The following TNFSF4 variants were observed in gnomAD, a reference collection of about 807,000 sequenced individuals.
TNFSF4 encodes the protein tumor necrosis factor ligand superfamily member 4.
Under a neutral mutation model 7.3 loss-of-function variants are expected in TNFSF4, and 4 were observed. That is an observed-to-expected ratio of 0.55 (90% CI 0.27 to 1.25). The LOEUF (loss-of-function observed/expected upper bound fraction) is 1.25, where lower values mean the gene tolerates loss of function less well. Ranked by LOEUF, TNFSF4 falls within the 50% of genes most tolerant of loss-of-function variation. TNFSF4 has a pLI of 0.12. For missense variants in TNFSF4, 181 were observed against 208.8 expected (o/e 0.87, Z 0.82); for synonymous variants, 76 against 83.7 (o/e 0.91, Z 0.50).
At chr1:173,390,748 T>C in the TNFSF4 span, among the ~76,000 whole-genome samples, 1 of 15,420 alleles carries the variant, frequency 6.5e-5, no homozygotes, top group African/African-American at 3.1e-4. Flanking sequence ...TTTTTTTTTT[T>C]TCTTTTTTTT....
chr1:173,277,379 C>T, the TNFSF4 span, among the ~76,000 whole-genome samples: 9 of 152,224 alleles, frequency 5.9e-5, no homozygotes, highest in African/African-American at 2.2e-4. Context: ...GATTAGAGTT[C>T]TGCTGTGACC....
the TNFSF4 span, among the ~76,000 whole-genome samples, chr1:173,290,091 T>G: frequency 6.6e-6 from 1 of 152,056 alleles, no homozygotes; most frequent in South Asian, 2.1e-4. Context: ...TATAATCAAA[T>G]TACCTTAAAA....
At chr1:173,414,308 C>G in the TNFSF4 span, among the ~76,000 whole-genome samples, 1 of 152,122 alleles carries the variant, frequency 6.6e-6, no homozygotes, top group Non-Finnish European at 1.5e-5. Context: ...TGTGTGTGCA[C>G]AGAGGAAAAG....
At chr1:173,381,041 CA>C in the TNFSF4 span, among the ~76,000 whole-genome samples, 1 of 152,158 alleles carries the variant, frequency 6.6e-6, no homozygotes, top group African/African-American at 2.4e-5. Flanking sequence ...CAAAGCCATA[CA>C]ACTAATACCC....
At chr1:173,207,830 T>C (rs982785728), upstream of TNFSF4, among the ~76,000 whole-genome samples, 6 of 152,228 alleles carry the variant, frequency 3.9e-5, no homozygotes, top group African/African-American at 1.4e-4. Flanking sequence ...TTGTAGTCTA[T>C]TGCATAAAAA....
the TNFSF4 span, among the ~76,000 whole-genome samples, chr1:173,288,827 A>T: frequency 3.3e-5 from 5 of 152,036 alleles, no homozygotes; most frequent in East Asian, 9.6e-4. Context: ...CAGGACTGCC[A>T]CTTGACATGA....
upstream of TNFSF4, among the ~76,000 whole-genome samples, chr1:173,209,839 C>T (rs922542230): frequency 1.3e-5 from 2 of 152,122 alleles, no homozygotes; most frequent in African/African-American, 4.8e-5. Context: ...ATATTAAATA[C>T]ATAAGCACAC....
the TNFSF4 span, among the ~76,000 whole-genome samples, chr1:173,361,794 C>G: frequency 6.6e-6 from 1 of 152,192 alleles, no homozygotes; most frequent in Non-Finnish European, 1.5e-5. Context: ...TCATCAGAAA[C>G]TGGCCCCAAA....
chr1:173,392,145 G>C, the TNFSF4 span, among the ~76,000 whole-genome samples: 66 of 152,286 alleles, frequency 4.3e-4, no homozygotes, highest in Non-Finnish European at 5.9e-4. Flanking sequence ...AGAGTCGAAA[G>C]GCCTGCACTC....
chr1:173,349,832 T>A, the TNFSF4 span, among the ~76,000 whole-genome samples: 1 of 152,242 alleles, frequency 6.6e-6, no homozygotes, highest in African/African-American at 2.4e-5. Flanking sequence ...TAAAAGGATG[T>A]AAGTTTAAAC....
chr1:173,408,083 C>G, the TNFSF4 span, among the ~76,000 whole-genome samples: 1 of 152,184 alleles, frequency 6.6e-6, no homozygotes, highest in East Asian at 1.9e-4. Context: ...GCCTCCAGAT[C>G]TGTGGAAAAT....
chr1:173,294,267 CA>C, the TNFSF4 span, among the ~76,000 whole-genome samples: 57 of 152,140 alleles, frequency 3.7e-4, no homozygotes, highest in African/African-American at 1.3e-3. Context: ...GAATACTACA[CA>C]AACATGAGAA....
chr1:173,257,970 C>G, the TNFSF4 span, among the ~76,000 whole-genome samples: 1 of 152,180 alleles, frequency 6.6e-6, no homozygotes, highest in African/African-American at 2.4e-5. Context: ...GCATCCCCAT[C>G]CTGAGTCATT....
chr1:173,429,704 A>G, the TNFSF4 span, among the ~76,000 whole-genome samples: 1 of 152,190 alleles, frequency 6.6e-6, no homozygotes, highest in African/African-American at 2.4e-5. Context: ...GAAGGGAGAG[A>G]GGAAGTTGAT....
chr1:173,366,119 C>G, the TNFSF4 span, among the ~76,000 whole-genome samples: 3 of 152,180 alleles, frequency 2.0e-5, no homozygotes, highest in African/African-American at 7.2e-5. Flanking sequence ...AGGAATCCAA[C>G]TCCTAGTATA....
chr1:173,407,217 C>A, the TNFSF4 span, among the ~76,000 whole-genome samples: 2 of 151,982 alleles, frequency 1.3e-5, no homozygotes, highest in South Asian at 4.2e-4. Flanking sequence ...TAGCACAGTC[C>A]GTGTGGAGTG....
At chr1:173,438,924 C>A in the TNFSF4 span, among the ~76,000 whole-genome samples, 1 of 152,182 alleles carries the variant, frequency 6.6e-6, no homozygotes, top group Non-Finnish European at 1.5e-5. Context: ...ATAAATGAGG[C>A]TTCAGAGAGT....
the TNFSF4 span, among the ~76,000 whole-genome samples, chr1:173,243,500 A>C: frequency 6.6e-6 from 1 of 152,084 alleles, no homozygotes; most frequent in African/African-American, 2.4e-5. Context: ...CTGCTGTCTC[A>C]GTGTAATTGG....
chr1:173,218,282 A>G, the TNFSF4 span, among the ~76,000 whole-genome samples: 1 of 151,988 alleles, frequency 6.6e-6, no homozygotes, highest in Non-Finnish European at 1.5e-5. Context: ...GGTCCCTCCC[A>G]TGATCTAATC....
Sources: gnomAD v4.1 joint callset for allele counts (sites outside exome capture counted in the v4.1 genomes callset) on GRCh38, gnomAD v4.1.1 for gene constraint, MANE v1.5 for transcripts, NCBI Gene and HGNC (gene_info 2026-07-23, HGNC 2026-07-21) for gene names.